COL5A1: variants seen among roughly 807,000 people sequenced by gnomAD.
COL5A1 encodes the protein collagen alpha-1(V) chain.
In COL5A1, 16 loss-of-function variants were observed where a neutral mutation model predicts 263.7. The ratio of observed to expected loss-of-function variants is 0.06; its 90% CI spans 0.04 to 0.09. The LOEUF is 0.09. COL5A1 is among the 10% of genes least tolerant of loss of function. The pLI is 1.00. For synonymous variants in COL5A1, 1,012 were observed against 1,004.5 expected, an observed-to-expected ratio of 1.01 and a Z score of -0.14; for missense variants, 2,036 against 2,540.5, an observed-to-expected ratio of 0.80 and a Z score of 4.27.
chr9:134,690,599 C>T (rs1416158586), intron 1 of COL5A1, among the ~76,000 whole-genome samples: 3 of 152,196 alleles, frequency 2.0e-5, no homozygotes, highest in South Asian at 2.1e-4. Context: ...AGGAGGGCGT[C>T]GTCAGAGCTG....
At chr9:134,807,416 C>G (rs1838334325) in intron 42 of COL5A1, among the ~76,000 whole-genome samples, 1 of 152,224 alleles carries the variant, frequency 6.6e-6, no homozygotes, top group Non-Finnish European at 1.5e-5. Context: ...GCCTCAGCCT[C>G]CCCAGTAGCT....
intron 61 of COL5A1, 102 bp from the exon 62 acceptor site, chr9:134,824,497 AG>A: frequency 6.7e-7 from 1 of 1,483,796 alleles, no homozygotes; most frequent in Non-Finnish European, 9.2e-7. Context: ...GCCAGGCCCC[AG>A]GGAACCCCTG....
At chr9:134,655,187 G>C (rs1437756007) in intron 1 of COL5A1, among the ~76,000 whole-genome samples, 1 of 151,702 alleles carries the variant, frequency 6.6e-6, no homozygotes, top group Non-Finnish European at 1.5e-5. Context: ...GGTTTGTAGG[G>C]CTGGGGTTGT....
intron 4 of COL5A1, among the ~76,000 whole-genome samples, chr9:134,719,317 G>A (rs777284978): frequency 8.5e-5 from 13 of 152,176 alleles, no homozygotes; most frequent in African/African-American, 1.7e-4. Context: ...TGTATGTCAC[G>A]CACACACACC....
chr9:134,657,605 G>C (rs1295135618), intron 1 of COL5A1, among the ~76,000 whole-genome samples: 1 of 118,916 alleles, frequency 8.4e-6, no homozygotes, highest in Non-Finnish European at 1.7e-5. Flanking sequence ...GGGTGGGTTG[G>C]GGGTGTAGTT....
rs1417717959 is a variant in COL5A1 at position 134,728,838 on chromosome 9, T to TGGGCC, written c.924+32_924+36dup. 4 of 1,613,442 alleles carry TGGGCC rather than the reference T, an allele frequency of 2.5e-6. No homozygotes were observed. In the Admixed American group the frequency reaches 6.7e-5, roughly 27 times the overall value. ...GGCTGAGCGGGGGACTGGGTTGGGC[T>TGGGCC]GGGCCCCTCGAGGCCATGGTGCAGG... is the stretch of plus-strand genomic sequence containing the variant. On this transcript the variant is annotated intron_variant, in intron 6 of 65. Coordinates refer to ENST00000371817, the MANE Select transcript of COL5A1 (RefSeq NM_000093.5).
At position 134,835,148 on chromosome 9, in the gene COL5A1, G is replaced by C. The variant is rs759042440; in HGVS notation, c.5314G>C (p.Glu1772Gln). ...KALRFLGSND[E>Q]EMSYDNNPYI... is the part of the protein sequence containing the mutation. Reference sequence around the variant, plus strand: ...CCTCCGCTTCCTGGGCTCCAACGACGAGGAGATGTCCTATGACAACAACCC... The same window carrying C: ...CCTCCGCTTCCTGGGCTCCAACGACCAGGAGATGTCCTATGACAACAACCC... The change falls in exon 65 of 66, where the codon GAG becomes CAG. Residue 1772 changes from glutamate to glutamine, a missense_variant. Coordinates refer to ENST00000371817, the MANE Select transcript of COL5A1 (RefSeq NM_000093.5). 6.2e-7 allele frequency: 1 copy of C among 1,613,820 alleles called. No homozygotes were observed. Among genetic ancestry groups the C allele is most frequent in the Non-Finnish European group, 8.5e-7 (1 of 1,180,020 alleles).
At chr9:134,698,993 C>T (rs1335382488) in intron 2 of COL5A1, among the ~76,000 whole-genome samples, 1 of 152,236 alleles carries the variant, frequency 6.6e-6, no homozygotes, top group Non-Finnish European at 1.5e-5. Context: ...TTCTGAGCAG[C>T]CCACAGCCTT....
intron 11 of COL5A1, 115 bp from the exon 12 acceptor site, chr9:134,750,427 T>C (rs536791438): frequency 5.1e-5 from 46 of 906,476 alleles, no homozygotes; most frequent in Non-Finnish European, 7.8e-5. Context: ...ACAGCTTCTG[T>C]GCGTGTCCAG....
intron 1 of COL5A1, among the ~76,000 whole-genome samples, chr9:134,688,079 G>T (rs886736305): frequency 1.3e-5 from 2 of 152,152 alleles, no homozygotes; most frequent in African/African-American, 4.8e-5. Context: ...AGTACTTAAT[G>T]TTTTCCTCTG....
chr9:134,817,649 C>T lies in COL5A1; in HGVS notation c.4177-129C>T, dbSNP rs1480077095. ...CCTGCAGCCCGGCACACCCTGAGCA[C>T]CTGCACCCGAGCTCGTCCCTCTGCC... is the stretch of plus-strand genomic sequence containing the variant. On this transcript the variant is annotated intron_variant, in intron 53 of 65. Transcript: ENST00000371817. 10 of 841,380 alleles carry T rather than the reference C, an allele frequency of 1.2e-5. No homozygotes were observed. In the Admixed American group the frequency reaches 1.2e-4, roughly 10 times the overall value. 52.1% of individuals were successfully genotyped at this position (841,380 alleles called of 1,614,324 possible). A position where few individuals can be genotyped will look rare whatever the true frequency, so the allele number is the denominator to read the frequency against.
At chr9:134,827,062 C>A (rs1408727478) in intron 63 of COL5A1, among the ~76,000 whole-genome samples, 1 of 152,176 alleles carries the variant, frequency 6.6e-6, no homozygotes, top group Non-Finnish European at 1.5e-5. Context: ...TTCATGAGCT[C>A]GCAGTTGTCG....
chr9:134,792,246 G>C (rs1455301554), intron 32 of COL5A1, among the ~76,000 whole-genome samples: 1 of 152,222 alleles, frequency 6.6e-6, no homozygotes, highest in Non-Finnish European at 1.5e-5. Flanking sequence ...TTTAGCCAGG[G>C]GGAATGGCAC....
In COL5A1 at chr9:134,822,868, G is replaced by T. The variant is rs1839072361; in HGVS notation, c.4609-130G>T. ...TCCCACTCTAGCCGGGCAAATACAA[G>T]CATAGACTCTTGAGGGGGATGCGGG... On this transcript the variant is annotated intron_variant, in intron 59 of 65. Coordinates refer to ENST00000371817, the MANE Select transcript of COL5A1 (RefSeq NM_000093.5). 9 of 1,051,382 alleles carry T rather than the reference G, an allele frequency of 8.6e-6. No individual in the cohort carries two copies. The Admixed American group carries it at 1.7e-4, about 20-fold the overall frequency. 65.1% of individuals were successfully genotyped at this position (1,051,382 alleles called of 1,614,324 possible). A position where few individuals can be genotyped will look rare whatever the true frequency, so the allele number is the denominator to read the frequency against.
chr9:134,714,656 G>A (rs1398414974), intron 4 of COL5A1, among the ~76,000 whole-genome samples: 1 of 134,586 alleles, frequency 7.4e-6, no homozygotes, highest in African/African-American at 2.9e-5. Context: ...GGTGGTGGTG[G>A]AGGCGATGAT....
intron 1 of COL5A1, among the ~76,000 whole-genome samples, chr9:134,655,472 A>G (rs769661445): frequency 6.6e-6 from 1 of 152,028 alleles, no homozygotes; most frequent in Non-Finnish European, 1.5e-5. Flanking sequence ...AGTTCGTAGC[A>G]CCTTCCTGTG....
At chr9:134,655,159 G>A (rs553385349) in intron 1 of COL5A1, among the ~76,000 whole-genome samples, 2 of 151,190 alleles carry the variant, frequency 1.3e-5, no homozygotes, top group Non-Finnish European at 3.0e-5. Context: ...TGTAGGGCTG[G>A]TGTGTGTATA....
At chr9:134,800,805 C>T (rs1047452547) in intron 37 of COL5A1, among the ~76,000 whole-genome samples, 8 of 149,200 alleles carry the variant, frequency 5.4e-5, no homozygotes, top group South Asian at 2.1e-4. Context: ...CATGTGGCCC[C>T]GTGGCTTGGT....
At position 134,801,889 on chromosome 9, in the gene COL5A1, A is replaced by G. The variant is rs1838128446; in HGVS notation, c.2953-65A>G. On this transcript the variant is annotated intron_variant, in intron 37 of 65. Coordinates refer to ENST00000371817, the MANE Select transcript of COL5A1 (RefSeq NM_000093.5). ...GTGGGGGGCAAGCGTCCTGCTGAGA[A>G]CAGTGCAGGGCAGGGTGGCGCAGGC... The G allele has an allele frequency of 3.8e-5, 56 of 1,457,610 alleles. No homozygotes were observed. In the South Asian group the frequency reaches 6.3e-4, roughly 16 times the overall value. The allele number at this position is 1,457,610 out of a possible 1,614,324, so 90.3% of individuals were successfully genotyped here.
Sources: allele counts gnomAD v4.1 joint callset (sites outside exome capture counted in the v4.1 genomes callset), GRCh38; gene constraint gnomAD v4.1.1; transcripts MANE v1.5; gene names NCBI Gene and HGNC (gene_info 2026-07-23, HGNC 2026-07-21).